Variants in DPP6 observed in about 807,000 individuals in gnomAD.
DPP6 encodes the protein A-type potassium channel modulatory protein DPP6.
DPP6 carries 69 observed loss-of-function variants against 122.6 expected under a neutral mutation model. That is an observed-to-expected ratio of 0.56 (90% confidence interval 0.46 to 0.69). DPP6 has a LOEUF of 0.69. Among genes scored for constraint, DPP6 ranks in the 30% least tolerant of loss-of-function variants. The pLI is 0.00. For missense variants in DPP6, 928 were observed against 1,116.9 expected, an observed-to-expected ratio of 0.83 and a Z score of 2.41; for synonymous variants, 418 against 433.1, an observed-to-expected ratio of 0.97 and a Z score of 0.43.
chr7:154,061,618 G>GCC (rs1185310504), intron 1 of DPP6, among the ~76,000 whole-genome samples: 4 of 128,436 alleles, frequency 3.1e-5, no homozygotes, highest in African/African-American at 1.3e-4. Flanking sequence ...TCCCATCACA[G>GCC]GGGGGGGAGG....
At chr7:154,245,540 G>A (rs966679645) in intron 1 of DPP6, among the ~76,000 whole-genome samples, 4 of 149,386 alleles carry the variant, frequency 2.7e-5, no homozygotes, top group Non-Finnish European at 5.9e-5. Flanking sequence ...GGAGGCTGAG[G>A]CAGGAGAATT....
chr7:154,060,733 C>T (rs539623681), intron 1 of DPP6, among the ~76,000 whole-genome samples: 13 of 145,434 alleles, frequency 8.9e-5, no homozygotes, highest in African/African-American at 2.8e-4. Flanking sequence ...AGGCACCCCC[C>T]GCGAGGCAGG....
the DPP6 span, among the ~76,000 whole-genome samples, chr7:153,818,862 C>T: frequency 6.6e-6 from 1 of 151,822 alleles, no homozygotes; most frequent in Non-Finnish European, 1.5e-5. Context: ...AGCGATTCTC[C>T]TGCCTCAGCC....
At chr7:154,453,707 C>G (rs1820587903) in intron 2 of DPP6, among the ~76,000 whole-genome samples, 1 of 152,052 alleles carries the variant, frequency 6.6e-6, no homozygotes, top group Admixed American at 6.6e-5. Context: ...TATCATTAAT[C>G]CTCTCAAGGG....
chr7:154,144,999 C>T (rs573229331), intron 1 of DPP6, among the ~76,000 whole-genome samples: 319 of 152,128 alleles, frequency 2.1e-3, no homozygotes, highest in African/African-American at 7.4e-3. Context: ...GATGCAGTCA[C>T]CAGTTCTGCT....
chr7:154,661,986 G>A (rs1192695838), intron 6 of DPP6, among the ~76,000 whole-genome samples: 10 of 142,730 alleles, frequency 7.0e-5, no homozygotes, highest in Middle Eastern at 4.6e-3. Context: ...GTGTATTGGC[G>A]CTAGTGTTCA....
chr7:154,321,514 C>T (rs1006475638), intron 1 of DPP6, among the ~76,000 whole-genome samples: 2 of 151,662 alleles, frequency 1.3e-5, no homozygotes, highest in African/African-American at 2.4e-5. Context: ...CAGGCGCGGT[C>T]GCTCACGTCT....
chr7:154,008,685 G>A (rs1485190773), intron 1 of DPP6, among the ~76,000 whole-genome samples: 6 of 139,098 alleles, frequency 4.3e-5, no homozygotes, highest in East Asian at 4.2e-4. Flanking sequence ...TTTTTGAGAC[G>A]GAGTCTCGCT....
At chr7:154,818,794 A>G (rs959895081) in intron 16 of DPP6, among the ~76,000 whole-genome samples, 21 of 152,202 alleles carry the variant, frequency 1.4e-4, no homozygotes, top group African/African-American at 4.8e-4. Flanking sequence ...AGTCTCTCAA[A>G]CATTTGGAGC....
intron 2 of DPP6, among the ~76,000 whole-genome samples, chr7:154,473,681 T>C (rs1000668759): frequency 8.5e-5 from 13 of 152,250 alleles, no homozygotes; most frequent in African/African-American, 3.1e-4. Flanking sequence ...TTTCTGTTTT[T>C]CTAACCTGCC....
intron 1 of DPP6, among the ~76,000 whole-genome samples, chr7:154,438,492 AAAAAAGAAAAG>A (rs1819087443): frequency 6.7e-6 from 1 of 149,298 alleles, no homozygotes; most frequent in Non-Finnish European, 1.5e-5. Flanking sequence ...AAAAAAAAAA[AAAAAAGAAAAG>A]AAAAAAAGAA....
intron 7 of DPP6, among the ~76,000 whole-genome samples, chr7:154,717,258 T>C (rs1321340126): frequency 6.6e-6 from 1 of 152,216 alleles, no homozygotes; most frequent in Non-Finnish European, 1.5e-5. Flanking sequence ...TTCTAGATAT[T>C]TTGAATAGAC....
intron 3 of DPP6, among the ~76,000 whole-genome samples, chr7:154,492,318 C>T (rs897818739): frequency 3.3e-5 from 5 of 152,142 alleles, no homozygotes; most frequent in Admixed American, 6.5e-5. Flanking sequence ...CTGGGCAACT[C>T]AGTGCAAACA....
intron 1 of DPP6, among the ~76,000 whole-genome samples, chr7:154,219,466 T>G (rs1266716584): frequency 6.6e-6 from 1 of 152,234 alleles, no homozygotes; most frequent in African/African-American, 2.4e-5. Flanking sequence ...CATCTGGCAT[T>G]GTTGAAGAAG....
chr7:153,870,659 C>T, the DPP6 span, among the ~76,000 whole-genome samples: 1 of 152,220 alleles, frequency 6.6e-6, no homozygotes, highest in Non-Finnish European at 1.5e-5. Flanking sequence ...TTGTCAAAGT[C>T]ATTCTCCATC....
intron 1 of DPP6, among the ~76,000 whole-genome samples, chr7:154,194,497 G>GT (rs1798767704): frequency 6.6e-6 from 1 of 152,200 alleles, no homozygotes; most frequent in African/African-American, 2.4e-5. Context: ...GAATGTGTGT[G>GT]TCTCTCCTGA....
intron 1 of DPP6, among the ~76,000 whole-genome samples, chr7:154,297,726 T>C (rs967088938): frequency 1.1e-4 from 16 of 152,218 alleles, no homozygotes; most frequent in African/African-American, 3.9e-4. Context: ...ATGGCTCCTC[T>C]TCTCACAAAA....
At chr7:154,536,206 TG>T (rs967948860) in intron 3 of DPP6, among the ~76,000 whole-genome samples, 4 of 152,138 alleles carry the variant, frequency 2.6e-5, no homozygotes, top group Non-Finnish European at 5.9e-5. Context: ...GACTATGTAA[TG>T]TGTGATTCTA....
chr7:154,424,203 GGT>G (rs1227485532), intron 1 of DPP6, among the ~76,000 whole-genome samples: 1 of 152,178 alleles, frequency 6.6e-6, no homozygotes, highest in Non-Finnish European at 1.5e-5. Flanking sequence ...TGCAGATTAG[GGT>G]GTTGTCTGTA....
Sources: allele counts gnomAD v4.1 joint callset (sites outside exome capture counted in the v4.1 genomes callset), GRCh38; gene constraint gnomAD v4.1.1; transcripts MANE v1.5; gene names NCBI Gene and HGNC (gene_info 2026-07-23, HGNC 2026-07-21).